NETO1: variants seen among roughly 807,000 people sequenced by gnomAD.
NETO1 encodes neuropilin and tolloid like 1, also known as neuropilin and tolloid-like protein 1.
In NETO1, 26 loss-of-function variants were observed where a neutral mutation model predicts 61.3. The observed-to-expected ratio is 0.42, with a 90% CI of 0.31 to 0.59. The LOEUF is 0.59. NETO1 is among the 20% of genes least tolerant of loss of function. The pLI, the probability that NETO1 is intolerant of heterozygous loss-of-function variation, is 0.12. For synonymous variants in NETO1, 225 were observed against 225.8 expected, an observed-to-expected ratio of 1.00 and a Z score of 0.03; for missense variants, 531 against 662.8, an observed-to-expected ratio of 0.80 and a Z score of 2.18.
intron 4 of NETO1, among the ~76,000 whole-genome samples, chr18:72,835,651 ACT>A (rs2073721998): frequency 1.3e-5 from 2 of 152,194 alleles, no homozygotes; most frequent in Admixed American, 6.5e-5. Context: ...CAGAACCATT[ACT>A]CCAAATATAA....
chr18:72,835,574 G>C (rs2073718786), intron 4 of NETO1, among the ~76,000 whole-genome samples: 1 of 152,208 alleles, frequency 6.6e-6, no homozygotes, highest in African/African-American at 2.4e-5. Flanking sequence ...GAAGGATGTA[G>C]AGGTGAAATG....
intron 6 of NETO1, among the ~76,000 whole-genome samples, chr18:72,790,324 G>A (rs1414181452): frequency 6.6e-6 from 1 of 151,944 alleles, no homozygotes; most frequent in Non-Finnish European, 1.5e-5. Flanking sequence ...AGTATTATTT[G>A]TCAATTAAAA....
chr18:72,865,654 T>C (rs182837530), intron 1 of NETO1: 4 of 1,576,976 alleles, frequency 2.5e-6, no homozygotes, highest in African/African-American at 2.7e-5. Context: ...AGGCAAACAA[T>C]GAGAACAGCT....
chr18:72,752,165 C>G (rs983103882), intron 8 of NETO1: 2 of 152,106 alleles, frequency 1.3e-5, no homozygotes, highest in Non-Finnish European at 2.9e-5. Flanking sequence ...AGGAGAGTAA[C>G]AGCTAATGAG....
chr18:72,819,161 T>C (rs1319362646), intron 4 of NETO1, among the ~76,000 whole-genome samples: 3 of 152,098 alleles, frequency 2.0e-5, no homozygotes, highest in Admixed American at 6.6e-5. Context: ...TTTATCTCTT[T>C]CTCTCTCCCT....
chr18:72,853,517 G>T (rs190075698), intron 4 of NETO1: 12 of 152,046 alleles, frequency 7.9e-5, no homozygotes, highest in Admixed American at 2.0e-4. Context: ...CTAGCATTTG[G>T]GGGGCTGAGG....
intron 4 of NETO1, among the ~76,000 whole-genome samples, chr18:72,843,947 C>T (rs960156185): frequency 6.6e-6 from 1 of 152,122 alleles, no homozygotes; most frequent in Non-Finnish European, 1.5e-5. Flanking sequence ...TTTTAATATG[C>T]GGATGTCTCA....
Position 72,867,806 on chromosome 18 carries a change from G to C in NETO1, c.-515C>G, listed in dbSNP as rs561644248. ...GCGGCGGCGGCGCCGGCGGCGGCGGGGTGGCTCAGTCCCCAGTCTCAGACG... is the reference window on the plus strand; with the variant it reads ...GCGGCGGCGGCGCCGGCGGCGGCGGCGTGGCTCAGTCCCCAGTCTCAGACG... On this transcript the variant is annotated 5_prime_UTR_variant, in exon 1 of 11. Transcript: ENST00000327305. The C allele has an allele frequency of 6.3e-6, 1 of 159,332 alleles. No individual in the cohort carries two copies. The highest frequency in any genetic ancestry group is 2.4e-5 in the African/African-American group (1 of 40,916). 9.9% of individuals were successfully genotyped at this position (159,332 alleles called of 1,614,324 possible).
In NETO1 at chr18:72,845,428, A is replaced by G. The variant is rs1311041019; in HGVS notation, c.469+13398T>C. Among the ~76,000 whole-genome samples, 9 of 152,328 alleles carry G rather than the reference A, an allele frequency of 5.9e-5. No individual in the cohort carries two copies. In the South Asian group the frequency reaches 1.7e-3, roughly 28 times the overall value. On this transcript the variant is annotated intron_variant, in intron 4 of 10. Coordinates refer to ENST00000327305, the MANE Select transcript of NETO1 (RefSeq NM_138966.5). ...CAACTATTGTATATATAACATATAC[A>G]GTATAGAAAAATAAATGATATATGA...
At chr18:72,820,438 A>G (rs1282722640) in intron 4 of NETO1, among the ~76,000 whole-genome samples, 1 of 152,226 alleles carries the variant, frequency 6.6e-6, no homozygotes, top group Non-Finnish European at 1.5e-5. Flanking sequence ...ACTATATTAT[A>G]AAACCAACTC....
Position 72,859,314 on chromosome 18 carries a change from C to G in NETO1, c.221-240G>C, listed in dbSNP as rs950535830. Among the ~76,000 whole-genome samples, 22 of 152,098 alleles carry G rather than the reference C, an allele frequency of 1.4e-4. No homozygotes were observed. In the East Asian group the frequency reaches 4.1e-3, roughly 28 times the overall value. On this transcript the variant is annotated intron_variant, in intron 3 of 10. Coordinates refer to ENST00000327305, the MANE Select transcript of NETO1 (RefSeq NM_138966.5). ...AAATATTATTCTGATACAAGATGAC[C>G]ATTTTGACGTTTTGCGCAGGACTAA...
At chr18:72,762,317 C>T (rs954469845) in intron 7 of NETO1, among the ~76,000 whole-genome samples, 1 of 152,042 alleles carries the variant, frequency 6.6e-6, no homozygotes, top group African/African-American at 2.4e-5. Flanking sequence ...TGCACCACCA[C>T]GCCCGGCTAA....
chr18:72,745,313 A>G lies in NETO1; in HGVS notation c.*2866T>C, dbSNP rs2070406583. On this transcript the variant is annotated 3_prime_UTR_variant, in exon 11 of 11. Transcript: ENST00000327305. Reference sequence around the variant, plus strand: ...AACCTTGAAATTAGGCAACTACAATACATTTGGACAGAAGTACGAAGCTTA... The same window carrying G: ...AACCTTGAAATTAGGCAACTACAATGCATTTGGACAGAAGTACGAAGCTTA... 6.6e-6 allele frequency: 1 copy of G among 152,216 alleles called. No homozygotes were observed. Among genetic ancestry groups the G allele is most frequent in the Admixed American group, 6.5e-5 (1 of 15,278 alleles). The allele number at this position is 152,216 out of a possible 1,614,324, so 9.4% of individuals were successfully genotyped here.
chr18:72,827,456 A>G (rs1167961326), intron 4 of NETO1, among the ~76,000 whole-genome samples: 1 of 152,186 alleles, frequency 6.6e-6, no homozygotes, highest in Non-Finnish European at 1.5e-5. Flanking sequence ...AGTATCTGGA[A>G]CTCACAGCAA....
chr18:72,799,464 A>G (rs1001561099), intron 4 of NETO1, among the ~76,000 whole-genome samples: 3 of 152,220 alleles, frequency 2.0e-5, no homozygotes, highest in Non-Finnish European at 4.4e-5. Context: ...GGAAAACTGA[A>G]TTAGTCATTT....
chr18:72,854,491 AC>A (rs1454615107), intron 4 of NETO1, among the ~76,000 whole-genome samples: 1 of 151,830 alleles, frequency 6.6e-6, no homozygotes, highest in Non-Finnish European at 1.5e-5. Context: ...AACAAAAGAT[AC>A]CTGTCATTAA....
intron 6 of NETO1, among the ~76,000 whole-genome samples, chr18:72,786,171 G>A (rs1052158909): frequency 1.3e-5 from 2 of 152,044 alleles, no homozygotes; most frequent in African/African-American, 2.4e-5. Flanking sequence ...ACATTTAAGC[G>A]TTATAAATAA....
chr18:72,849,467 T>C (rs2074187018), intron 4 of NETO1, among the ~76,000 whole-genome samples: 1 of 152,216 alleles, frequency 6.6e-6, no homozygotes, highest in Non-Finnish European at 1.5e-5. Flanking sequence ...TTCTGTGTCC[T>C]TGTGCCAGAG....
intron 6 of NETO1, among the ~76,000 whole-genome samples, chr18:72,789,849 C>T (rs561264710): frequency 7.9e-5 from 12 of 152,248 alleles, no homozygotes; most frequent in Non-Finnish European, 1.5e-4. Context: ...GCTTAGATTA[C>T]GCTCACCTGG....
Sources: gnomAD v4.1 joint callset for allele counts (sites outside exome capture counted in the v4.1 genomes callset) on GRCh38, gnomAD v4.1.1 for gene constraint, MANE v1.5 for transcripts, NCBI Gene and HGNC (gene_info 2026-07-23, HGNC 2026-07-21) for gene names.